Variants in ASIC2 observed in about 807,000 individuals in gnomAD.
The protein encoded by ASIC2 is acid-sensing ion channel 2.
ASIC2 carries 25 observed loss-of-function variants against 57.3 expected under a neutral mutation model. The observed-to-expected ratio is 0.44, with a 90% CI of 0.32 to 0.61. The LOEUF (loss-of-function observed/expected upper bound fraction) is 0.61, where lower values mean the gene tolerates loss of function less well. Among genes scored for constraint, ASIC2 ranks in the 20% least tolerant of loss-of-function variants. ASIC2 has a pLI of 0.06. For synonymous variants in ASIC2, 319 were observed against 307.5 expected, an observed-to-expected ratio of 1.04 and a Z score of -0.39; for missense variants, 641 against 738.1, an observed-to-expected ratio of 0.87 and a Z score of 1.52.
At chr17:33,728,508 C>T (rs1044497934) in intron 1 of ASIC2, among the ~76,000 whole-genome samples, 2 of 152,158 alleles carry the variant, frequency 1.3e-5, no homozygotes, top group East Asian at 1.9e-4. Context: ...TCATTTCCTC[C>T]CTTACAGTTA....
intron 1 of ASIC2, among the ~76,000 whole-genome samples, chr17:33,349,422 T>C (rs1323911700): frequency 6.6e-6 from 1 of 152,150 alleles, no homozygotes; most frequent in Non-Finnish European, 1.5e-5. Flanking sequence ...AGAGTCAGCT[T>C]GGCCTTTGGC....
intron 1 of ASIC2, among the ~76,000 whole-genome samples, chr17:33,956,829 G>T (rs148574404): frequency 6.6e-6 from 1 of 152,248 alleles, no homozygotes; most frequent in Non-Finnish European, 1.5e-5. Context: ...TCCCCAGCTA[G>T]ATGAGCCTGC....
chr17:33,360,212 G>A (rs1908545513), intron 1 of ASIC2, among the ~76,000 whole-genome samples: 1 of 152,172 alleles, frequency 6.6e-6, no homozygotes, highest in Non-Finnish European at 1.5e-5. Context: ...GCTCATGCTG[G>A]TATTTACATT....
chr17:33,630,260 G>A (rs1906120215), intron 1 of ASIC2, among the ~76,000 whole-genome samples: 2 of 152,086 alleles, frequency 1.3e-5, no homozygotes, highest in South Asian at 4.2e-4. Context: ...TAAGTTGGTC[G>A]CATGCTGACA....
At chr17:33,332,021 T>A (rs575060685) in intron 1 of ASIC2, among the ~76,000 whole-genome samples, 62 of 152,376 alleles carry the variant, frequency 4.1e-4, no homozygotes, top group African/African-American at 1.4e-3. Context: ...TAGTGTTTTT[T>A]CAAGCTGATC....
chr17:33,167,057 C>T (rs1419504855), intron 1 of ASIC2, among the ~76,000 whole-genome samples: 1 of 152,094 alleles, frequency 6.6e-6, no homozygotes, highest in Admixed American at 6.5e-5. Flanking sequence ...ATAAAGTGCC[C>T]CCTACAGAGC....
intron 3 of ASIC2, among the ~76,000 whole-genome samples, chr17:33,054,977 G>T: frequency 6.6e-6 from 1 of 152,114 alleles, no homozygotes; most frequent in East Asian, 1.9e-4. Context: ...CATGGCCTTG[G>T]GTCAGTTCCC....
chr17:33,799,397 T>TTCTTC (rs1912028671), intron 1 of ASIC2, among the ~76,000 whole-genome samples: 1 of 58,284 alleles, frequency 1.7e-5, no homozygotes, highest in Admixed American at 1.6e-4. Flanking sequence ...TTTCTTTCTT[T>TTCTTC]CTTTCTTTTC....
intron 1 of ASIC2, among the ~76,000 whole-genome samples, chr17:33,146,599 A>T (rs1489956430): frequency 2.0e-5 from 3 of 152,228 alleles, no homozygotes; most frequent in Admixed American, 2.0e-4. Context: ...AACAGCCTGA[A>T]CTGAGCTAAG....
At chr17:33,877,100 A>G (rs1200110198) in intron 1 of ASIC2, among the ~76,000 whole-genome samples, 2 of 152,196 alleles carry the variant, frequency 1.3e-5, no homozygotes, top group African/African-American at 2.4e-5. Flanking sequence ...TCTCCACAGT[A>G]TGATATGCTG....
chr17:33,165,225 C>G (rs1337438933), intron 1 of ASIC2, among the ~76,000 whole-genome samples: 1 of 152,174 alleles, frequency 6.6e-6, no homozygotes, highest in South Asian at 2.1e-4. Context: ...GGCCCAAGAG[C>G]TGGGCTTTCC....
intron 1 of ASIC2, among the ~76,000 whole-genome samples, chr17:33,397,101 G>A (rs889929802): frequency 5.3e-5 from 8 of 152,170 alleles, no homozygotes; most frequent in Non-Finnish European, 1.2e-4. Context: ...GGAAGCACAG[G>A]TCCTGCCTAG....
chr17:33,850,959 A>G (rs1454846176), intron 1 of ASIC2, among the ~76,000 whole-genome samples: 1 of 152,106 alleles, frequency 6.6e-6, no homozygotes, highest in African/African-American at 2.4e-5. Flanking sequence ...CACCAATCAG[A>G]GCCAGAGGCT....
chr17:33,323,618 G>A (rs941237726), intron 1 of ASIC2, among the ~76,000 whole-genome samples: 4 of 152,186 alleles, frequency 2.6e-5, no homozygotes, highest in Non-Finnish European at 4.4e-5. Context: ...GGAGGCTGAG[G>A]CAGGAGAATC....
intron 1 of ASIC2, among the ~76,000 whole-genome samples, chr17:33,783,548 G>T (rs2142130599): frequency 6.6e-6 from 1 of 152,368 alleles, no homozygotes; most frequent in African/African-American, 2.4e-5. Context: ...AAACTGCACT[G>T]CAGAGCAGAG....
intron 1 of ASIC2, among the ~76,000 whole-genome samples, chr17:33,309,142 A>G (rs1402020609): frequency 1.3e-5 from 2 of 150,470 alleles, no homozygotes; most frequent in Non-Finnish European, 3.0e-5. Context: ...TTCTGCCACC[A>G]ACTCCTTTTT....
chr17:33,339,677 A>G (rs2142235448), intron 1 of ASIC2, among the ~76,000 whole-genome samples: 1 of 152,230 alleles, frequency 6.6e-6, no homozygotes, highest in South Asian at 2.1e-4. Flanking sequence ...TCTAAGTGGG[A>G]GTAGAATAAG....
chr17:33,609,830 A>G (rs1157478988), intron 1 of ASIC2, among the ~76,000 whole-genome samples: 1 of 152,184 alleles, frequency 6.6e-6, no homozygotes, highest in Non-Finnish European at 1.5e-5. Flanking sequence ...GAAGAGTAGG[A>G]AAAGCAAGAA....
chr17:33,405,900 G>C (rs921084164), intron 1 of ASIC2, among the ~76,000 whole-genome samples: 7 of 152,072 alleles, frequency 4.6e-5, no homozygotes, highest in Non-Finnish European at 1.0e-4. Context: ...TCACCCAGGG[G>C]CCAGGTACCA....
Sources: allele counts gnomAD v4.1 joint callset (sites outside exome capture counted in the v4.1 genomes callset), GRCh38; gene constraint gnomAD v4.1.1; transcripts MANE v1.5; gene names NCBI Gene and HGNC (gene_info 2026-07-23, HGNC 2026-07-21).